MED6: variants seen among roughly 807,000 people sequenced by gnomAD.
The protein encoded by MED6 is mediator complex subunit 6.
A neutral mutation model predicts 37.5 loss-of-function variants in MED6; 33 were observed. The observed-to-expected ratio is 0.88, with a 90% CI of 0.67 to 1.18. The LOEUF (loss-of-function observed/expected upper bound fraction) is 1.18. Among genes scored for constraint, MED6 ranks in the 50% most tolerant of loss-of-function variants. MED6 has a pLI of 0.00. For missense variants in MED6, 235 were observed against 290.6 expected (o/e 0.81, Z 1.39); for synonymous variants, 94 against 93.6 (o/e 1.00, Z -0.02).
intron 1 of MED6, among the ~76,000 whole-genome samples, chr14:70,599,894 G>C (rs1186049366): frequency 6.6e-6 from 1 of 151,402 alleles, no homozygotes; most frequent in African/African-American, 2.4e-5. Flanking sequence ...GAGAATATTT[G>C]TAATAAATGT....
At chr14:70,593,232 T>A in intron 4 of MED6, 64 bp downstream of exon 4, 3 of 1,398,576 alleles carry the variant, frequency 2.1e-6, no homozygotes, top group Non-Finnish European at 3.0e-6. Context: ...CTAGTTTGAT[T>A]ACTGGAAGCA....
At chr14:70,599,107 T>C (rs1336032028) in intron 1 of MED6, among the ~76,000 whole-genome samples, 1 of 152,230 alleles carries the variant, frequency 6.6e-6, no homozygotes, top group Admixed American at 6.5e-5. Flanking sequence ...TCAAAATGCC[T>C]ATACAATACT....
rs535454207 is a variant in MED6 at position 70,596,031 on chromosome 14, G to A, written c.274+580C>T. ...TCCTTGGGCATGCTCCAAGAGTCCT[G>A]GTATCCAAGTATACAACTAGTGGAA... On this transcript the variant is annotated intron_variant, in intron 3 of 7. Transcript: ENST00000256379. 3.9e-5 allele frequency among the ~76,000 whole-genome samples: 6 copies of A among 152,246 alleles called. No individual in the cohort carries two copies. The South Asian group carries it at 1.2e-3, about 32-fold the overall frequency.
At chr14:70,591,827 AC>A (rs1884878991) in intron 5 of MED6, 2 of 152,380 alleles carry the variant, frequency 1.3e-5, no homozygotes, top group African/African-American at 4.8e-5. Context: ...AATTATTAAG[AC>A]TGTAATTCAC....
At chr14:70,595,568 C>T in intron 3 of MED6, 1 of 709,038 alleles carries the variant, frequency 1.4e-6, no homozygotes, top group East Asian at 2.9e-5. Context: ...TCCTGCTGTA[C>T]CTGGAGTTGG....
Position 70,584,962 on chromosome 14 carries a change from T to C in MED6, c.611-19A>G. On this transcript the variant is annotated intron_variant, in intron 7 of 7. Transcript: ENST00000256379. ...TGATCCACTAGATATCAAAAGTAGATTTTTTGGGAGGGAGATATGGGTGGG... is the reference window on the plus strand; with the variant it reads ...TGATCCACTAGATATCAAAAGTAGACTTTTTGGGAGGGAGATATGGGTGGG... 1 of 1,609,262 alleles carries C rather than the reference T, an allele frequency of 6.2e-7. No individual in the cohort carries two copies. The highest frequency in any genetic ancestry group is 8.5e-7 in the Non-Finnish European group (1 of 1,178,286).
intron 3 of MED6, chr14:70,595,856 G>A: frequency 1.6e-6 from 1 of 644,722 alleles, no homozygotes. Flanking sequence ...ACCCTTTGAG[G>A]AGCAGGAGGC....
At chr14:70,597,941 A>C in intron 1 of MED6, 164 bp from the exon 2 acceptor site, 1 of 445,946 alleles carries the variant, frequency 2.2e-6, no homozygotes, top group Non-Finnish European at 3.8e-6. Context: ...TATGCAAGAA[A>C]GCAATAACAT....
At chr14:70,591,165 T>C (rs987615955) in intron 6 of MED6, 101 bp downstream of exon 6, 9 of 897,046 alleles carry the variant, frequency 1.0e-5, no homozygotes, top group African/African-American at 8.8e-5. Context: ...ATGAGGAAAA[T>C]TGTACTTTTA....
At chr14:70,600,295 C>T (rs1885167539) in intron 1 of MED6, among the ~76,000 whole-genome samples, 1 of 152,158 alleles carries the variant, frequency 6.6e-6, no homozygotes, top group Non-Finnish European at 1.5e-5. Flanking sequence ...TGCCTAAACG[C>T]CATTCCTTCA....
intron 3 of MED6, among the ~76,000 whole-genome samples, chr14:70,593,842 T>C (rs920115386): frequency 7.9e-5 from 12 of 152,172 alleles, no homozygotes; most frequent in African/African-American, 2.9e-4. Flanking sequence ...GGGGGTCCAG[T>C]GTAAAGATAT....
At position 70,584,393 on chromosome 14, in the gene MED6, G is replaced by T; in HGVS notation, c.*420C>A. Reference sequence around the variant, plus strand: ...GGAATAATATCTTTTCTTCTTTTTTGAGACAAAGTCTCGCTCTGTCGCCCA... The same window carrying T: ...GGAATAATATCTTTTCTTCTTTTTTTAGACAAAGTCTCGCTCTGTCGCCCA... On this transcript the variant is annotated 3_prime_UTR_variant, in exon 8 of 8. Transcript: ENST00000256379. 1 of 407,058 alleles carries T rather than the reference G, an allele frequency of 2.5e-6. No homozygotes were observed. Among genetic ancestry groups the T allele is most frequent in the Non-Finnish European group, 4.4e-6 (1 of 227,918 alleles). The allele number at this position is 407,058 out of a possible 1,614,324, so 25.2% of individuals were successfully genotyped here.
chr14:70,586,960 T>C (rs752705895), intron 6 of MED6, among the ~76,000 whole-genome samples: 1 of 152,216 alleles, frequency 6.6e-6, no homozygotes, highest in Non-Finnish European at 1.5e-5. Context: ...TCCCTGGTAA[T>C]AGTGGCTCAC....
Position 70,593,385 on chromosome 14 carries a change from C to G in MED6, c.275-7G>C. ...TAATCAGCTAGTGGGATAACTAAAA[C>G]AGTGGGAAAAAAGGTTTATAAATAC... On this transcript the variant is annotated splice_polypyrimidine_tract_variant and splice_region_variant and intron_variant, in intron 3 of 7. Transcript: ENST00000256379. 6.2e-7 allele frequency: 1 copy of G among 1,605,740 alleles called. No individual in the cohort carries two copies. Among genetic ancestry groups the G allele is most frequent in the Non-Finnish European group, 8.5e-7 (1 of 1,174,566 alleles).
rs34441603 is a variant in MED6 at position 70,598,474 on chromosome 14, C to CA, written c.23-698dup. On this transcript the variant is annotated intron_variant, in intron 1 of 7. Coordinates refer to ENST00000256379, the MANE Select transcript of MED6 (RefSeq NM_005466.4). ...TGGGCGACAGAGCGAGACTCCGTCT[C>CA]AAAAAAAAAAGACATGAAGAAATGT... Among the ~76,000 whole-genome samples the CA allele has an allele frequency of 8.1e-4, 117 of 144,160 alleles. No individual in the cohort carries two copies. In the Middle Eastern group the frequency reaches 0.011, roughly 13 times the overall value. The allele number at this position is 144,160 out of a possible 152,430, so 94.6% of individuals were successfully genotyped here. A position where few individuals can be genotyped will look rare whatever the true frequency, so the allele number is the denominator to read the frequency against.
At position 70,600,488 on chromosome 14, in the gene MED6, G is replaced by A. The variant is rs1885175167; in HGVS notation, c.22+128C>T. On this transcript the variant is annotated intron_variant, in intron 1 of 7. Transcript: ENST00000256379. ...TTTCGCTAGATCACAGCCTTGGGTT[G>A]TCCACAAAAACCACTCAAAAAAGCT... 1.3e-5 allele frequency: 13 copies of A among 979,642 alleles called. No homozygotes were observed. The Admixed American group carries it at 2.7e-4, about 20-fold the overall frequency. 60.7% of individuals were successfully genotyped at this position (979,642 alleles called of 1,614,324 possible). A position where few individuals can be genotyped will look rare whatever the true frequency, so the allele number is the denominator to read the frequency against.
intron 7 of MED6, 97 bp from the exon 8 acceptor site, chr14:70,585,040 T>A: frequency 7.4e-7 from 1 of 1,343,614 alleles, no homozygotes; most frequent in East Asian, 2.3e-5. Flanking sequence ...AATTCATTTT[T>A]AACTGCTTAT....
At chr14:70,587,183 A>T (rs970576660) in intron 6 of MED6, among the ~76,000 whole-genome samples, 8 of 152,108 alleles carry the variant, frequency 5.3e-5, no homozygotes, top group Non-Finnish European at 1.0e-4. Context: ...AGAAGAGTGC[A>T]CTCTGTGTAA....
chr14:70,595,508 G>A, intron 3 of MED6: 1 of 669,844 alleles, frequency 1.5e-6, no homozygotes, highest in Non-Finnish European at 2.7e-6. Context: ...AGAACAGCCT[G>A]AGGGAGGTGG....
Sources: allele counts gnomAD v4.1 joint callset (sites outside exome capture counted in the v4.1 genomes callset), GRCh38; gene constraint gnomAD v4.1.1; transcripts MANE v1.5; gene names NCBI Gene and HGNC (gene_info 2026-07-23, HGNC 2026-07-21).